GTF2H1: variants seen among roughly 807,000 people sequenced by gnomAD.
GTF2H1 encodes general transcription factor IIH subunit 1.
Under a neutral mutation model 71.2 loss-of-function variants are expected in GTF2H1, and 16 were observed. That is an observed-to-expected ratio of 0.22 (90% CI 0.15 to 0.34). The LOEUF is 0.34. Ranked by LOEUF, GTF2H1 falls within the 10% of genes least tolerant of loss-of-function variation. The pLI is 1.00. For synonymous variants in GTF2H1, 215 were observed against 219.0 expected, an observed-to-expected ratio of 0.98 and a Z score of 0.16; for missense variants, 498 against 648.2, an observed-to-expected ratio of 0.77 and a Z score of 2.52.
chr11:18,324,606 C>G (rs1162838096), intron 1 of GTF2H1, among the ~76,000 whole-genome samples: 2 of 152,190 alleles, frequency 1.3e-5, no homozygotes, highest in African/African-American at 4.8e-5. Flanking sequence ...ATACCTTGAG[C>G]TTTCCTAGCA....
chr11:18,326,407 A>G (rs1388806854), intron 1 of GTF2H1, among the ~76,000 whole-genome samples: 1 of 151,978 alleles, frequency 6.6e-6, no homozygotes, highest in African/African-American at 2.4e-5. Flanking sequence ...CTGTAATCCC[A>G]CCTATTTGGG....
chr11:18,344,484 C>T (rs904027971), intron 7 of GTF2H1, among the ~76,000 whole-genome samples: 5 of 151,698 alleles, frequency 3.3e-5, no homozygotes, highest in Admixed American at 1.3e-4. Context: ...CCGGGCCTGG[C>T]GGCACATGCC....
intron 11 of GTF2H1, among the ~76,000 whole-genome samples, chr11:18,355,368 C>T (rs1248252771): frequency 6.6e-6 from 1 of 151,966 alleles, no homozygotes; most frequent in African/African-American, 2.4e-5. Context: ...TGGTCTCGAT[C>T]TCCTGACCTC....
intron 1 of GTF2H1, among the ~76,000 whole-genome samples, chr11:18,323,061 G>C (rs1864570911): frequency 6.6e-6 from 1 of 152,186 alleles, no homozygotes; most frequent in Non-Finnish European, 1.5e-5. Flanking sequence ...ATGTGCTGTT[G>C]AGTCTGGGAT....
intron 13 of GTF2H1, 27 bp downstream of exon 13, chr11:18,358,667 G>A (rs926434765): frequency 7.5e-7 from 1 of 1,335,284 alleles, no homozygotes; most frequent in African/African-American, 1.4e-5. Flanking sequence ...AAGACAGCCA[G>A]ATAATTGTGG....
intron 14 of GTF2H1, among the ~76,000 whole-genome samples, chr11:18,363,514 C>G (rs980101407): frequency 6.6e-6 from 1 of 151,902 alleles, no homozygotes; most frequent in African/African-American, 2.4e-5. Context: ...GCACATGACT[C>G]TAGTTACAAA....
chr11:18,347,694 T>A lies in GTF2H1; in HGVS notation c.944T>A (p.Leu315Gln). 1 of 1,613,874 alleles carries A rather than the reference T, an allele frequency of 6.2e-7. No homozygotes were observed. The highest frequency in any genetic ancestry group is 8.5e-7 in the Non-Finnish European group (1 of 1,179,830). The change falls in exon 8 of 15, where the codon CTG becomes CAG. Residue 315 changes from leucine to glutamine, a missense_variant. By Grantham distance (113) the Leu-to-Gln change is moderately radical. This residue lies in a region of GTF2H1 where 266 missense variants were observed against 301.6 expected (regional missense o/e 0.88). Coordinates refer to ENST00000265963, the MANE Select transcript of GTF2H1 (RefSeq NM_005316.4). ...TTTAACCATCACAGTGCCATGGTCC[T>A]GGCAGCTGGACTCAGAAAACAGTTA... ...KRFNHHSAMV[L>Q]AAGLRKQEAQ...
intron 7 of GTF2H1, among the ~76,000 whole-genome samples, chr11:18,345,041 A>G (rs1372184401): frequency 1.3e-5 from 2 of 151,026 alleles, no homozygotes; most frequent in East Asian, 3.9e-4. Context: ...TAATTTAAAA[A>G]TTAGCTGGGC....
At chr11:18,331,192 G>A (rs1864886971) in intron 1 of GTF2H1, among the ~76,000 whole-genome samples, 1 of 152,086 alleles carries the variant, frequency 6.6e-6, no homozygotes, top group Non-Finnish European at 1.5e-5. Flanking sequence ...AAGTAGCTGG[G>A]ACTGCAGGAG....
Position 18,336,757 on chromosome 11 carries a change from AT to A in GTF2H1, c.347+826del, listed in dbSNP as rs10652759. The stretch of plus-strand genomic sequence containing the variant: ...TGAGACAGTATGTAAAATAATGAGA[AT>A]TTTTTTTTTTTTTTGAGACAGAATC... On this transcript the variant is annotated intron_variant, in intron 3 of 14. Transcript: ENST00000265963. Among the ~76,000 whole-genome samples the A allele has an allele frequency of 1.5e-3, 213 of 145,702 alleles. 1 individual carries two copies. The highest frequency in any genetic ancestry group is 3.3e-3 in the African/African-American group (129 of 39,518).
rs776259090 is a variant in GTF2H1, at chr11:18,333,245, A to G, written c.154+17A>G. 4 of 1,578,018 alleles carry G rather than the reference A, an allele frequency of 2.5e-6. No individual in the cohort carries two copies. Among genetic ancestry groups the G allele is most frequent in the Non-Finnish European group, 3.5e-6 (4 of 1,151,124 alleles). ...ATATTAAATGTAAGTCAGCTATACT[A>G]AGTTCTGATGTATTTGTATGTCATA... On this transcript the variant is annotated intron_variant, in intron 2 of 14. Coordinates refer to ENST00000265963, the MANE Select transcript of GTF2H1 (RefSeq NM_005316.4).
At chr11:18,343,350 T>TA (rs1865206576) in intron 7 of GTF2H1, among the ~76,000 whole-genome samples, 1 of 152,240 alleles carries the variant, frequency 6.6e-6, no homozygotes, top group South Asian at 2.1e-4. Flanking sequence ...TTATTGTTGT[T>TA]ATCTGTATTT....
intron 7 of GTF2H1, among the ~76,000 whole-genome samples, chr11:18,346,498 T>C (rs900073112): frequency 1.3e-5 from 2 of 152,184 alleles, no homozygotes; most frequent in African/African-American, 4.8e-5. Flanking sequence ...CTAACTAGTA[T>C]TTAAGCTCCT....
intron 11 of GTF2H1, among the ~76,000 whole-genome samples, chr11:18,355,137 A>C (rs1331343444): frequency 7.5e-6 from 1 of 134,030 alleles, no homozygotes; most frequent in Non-Finnish European, 1.6e-5. Flanking sequence ...ATTTTTCTTT[A>C]TTTTTTTTTT....
intron 7 of GTF2H1, among the ~76,000 whole-genome samples, chr11:18,346,081 C>T (rs1442361812): frequency 6.6e-6 from 1 of 152,250 alleles, no homozygotes; most frequent in African/African-American, 2.4e-5. Context: ...TAAGCCACCA[C>T]GCCTGGCCCA....
At chr11:18,343,187 G>T (rs1410707181) in intron 7 of GTF2H1, among the ~76,000 whole-genome samples, 5 of 152,186 alleles carry the variant, frequency 3.3e-5, no homozygotes, top group Non-Finnish European at 7.3e-5. Flanking sequence ...CTCCCAAAGT[G>T]CAGGGATTAC....
chr11:18,346,770 C>T (rs1246469884), intron 7 of GTF2H1, among the ~76,000 whole-genome samples: 2 of 125,636 alleles, frequency 1.6e-5, no homozygotes, highest in Non-Finnish European at 1.6e-5. Context: ...CAGTCTCACT[C>T]TGTCACCCAG....
intron 4 of GTF2H1, among the ~76,000 whole-genome samples, chr11:18,338,908 T>C (rs749652273): frequency 9.9e-5 from 15 of 152,208 alleles, no homozygotes; most frequent in Non-Finnish European, 2.1e-4. Context: ...ACTTACTTTT[T>C]CAAATATTTT....
At chr11:18,363,047 C>G (rs1454166360) in intron 14 of GTF2H1, among the ~76,000 whole-genome samples, 1 of 151,830 alleles carries the variant, frequency 6.6e-6, no homozygotes, top group Non-Finnish European at 1.5e-5. Context: ...TTAGCCTAGG[C>G]CTACACAGAG....
Sources: allele counts gnomAD v4.1 joint callset (sites outside exome capture counted in the v4.1 genomes callset), GRCh38; gene constraint gnomAD v4.1.1; regional missense constraint gnomAD v4.1.1; transcripts MANE v1.5; gene names NCBI Gene and HGNC (gene_info 2026-07-23, HGNC 2026-07-21).